The following DCC variants were observed in gnomAD, a reference collection of about 807,000 sequenced individuals.
DCC encodes the protein netrin receptor DCC.
Under a neutral mutation model 172.5 loss-of-function variants are expected in DCC, and 58 were observed. That is an observed-to-expected ratio of 0.34 (90% CI 0.27 to 0.42). The LOEUF (loss-of-function observed/expected upper bound fraction) is 0.42. DCC is among the 10% of genes least tolerant of loss of function. The pLI, the probability that DCC is intolerant of heterozygous loss-of-function variation, is 1.00. For synonymous variants in DCC, 709 were observed against 644.5 expected (o/e 1.10, Z -1.52); for missense variants, 1,740 against 1,791.0 (o/e 0.97, Z 0.51).
At chr18:52,919,901 G>T (rs1217570634) in intron 3 of DCC, among the ~76,000 whole-genome samples, 1 of 151,154 alleles carries the variant, frequency 6.6e-6, no homozygotes, top group African/African-American at 2.4e-5. Flanking sequence ...GAACAGAGGA[G>T]AGCTCCCTAA....
chr18:53,407,876 A>T (rs1190694565), intron 19 of DCC, among the ~76,000 whole-genome samples: 1 of 152,098 alleles, frequency 6.6e-6, no homozygotes, highest in Non-Finnish European at 1.5e-5. Context: ...GGATGGACAC[A>T]CATGAGACAG....
At chr18:52,496,383 T>A (rs1414693171) in intron 1 of DCC, among the ~76,000 whole-genome samples, 1 of 152,152 alleles carries the variant, frequency 6.6e-6, no homozygotes, top group Non-Finnish European at 1.5e-5. Context: ...TGTTTTCCCA[T>A]GTACTTTTAA....
At chr18:52,385,853 T>C (rs1254589671) in intron 1 of DCC, among the ~76,000 whole-genome samples, 1 of 152,098 alleles carries the variant, frequency 6.6e-6, no homozygotes, top group Non-Finnish European at 1.5e-5. Context: ...ATTGTTTTCC[T>C]CTTTTAAAAT....
chr18:53,285,123 G>T (rs757221921), intron 12 of DCC, among the ~76,000 whole-genome samples: 2 of 152,102 alleles, frequency 1.3e-5, no homozygotes, highest in South Asian at 4.1e-4. Flanking sequence ...AAAAAAATCC[G>T]ATTTTCTGAG....
intron 1 of DCC, among the ~76,000 whole-genome samples, chr18:52,533,565 A>G (rs1407821960): frequency 6.6e-6 from 1 of 152,114 alleles, no homozygotes; most frequent in Non-Finnish European, 1.5e-5. Flanking sequence ...GGTTACATGT[A>G]TCAGTAGTTC....
intron 12 of DCC, among the ~76,000 whole-genome samples, chr18:53,297,497 G>T (rs569120979): frequency 7.2e-5 from 11 of 152,104 alleles, no homozygotes; most frequent in African/African-American, 2.4e-4. Flanking sequence ...AGTAATAAAA[G>T]GACCAAAAGT....
At chr18:53,267,147 TATAGAGAG>T (rs1555742523) in intron 12 of DCC, among the ~76,000 whole-genome samples, 1 of 150,210 alleles carries the variant, frequency 6.7e-6, no homozygotes, top group African/African-American at 2.5e-5. Flanking sequence ...TATATATATA[TATAGAGAG>T]AGAGAGAGAG....
chr18:53,117,929 A>T (rs1057205721), intron 7 of DCC, among the ~76,000 whole-genome samples: 2 of 151,672 alleles, frequency 1.3e-5, no homozygotes, highest in African/African-American at 4.8e-5. Context: ...AAATGTAAAC[A>T]TTCTTCTTGT....
chr18:53,401,825 G>T (rs1368319222), intron 18 of DCC, among the ~76,000 whole-genome samples: 2 of 152,166 alleles, frequency 1.3e-5, no homozygotes, highest in East Asian at 3.8e-4. Flanking sequence ...AGAGCAGATT[G>T]GAAGAAGCCT....
At chr18:53,186,902 C>G (rs759449895) in intron 9 of DCC, among the ~76,000 whole-genome samples, 16 of 152,100 alleles carry the variant, frequency 1.1e-4, no homozygotes, top group Non-Finnish European at 1.9e-4. Context: ...ACGGTGTGTC[C>G]TCACATGGTG....
rs202192672 is a variant in DCC at position 53,086,230 on chromosome 18, G to GTTCTTC, written c.1261+20077_1261+20082dup. On this transcript the variant is annotated intron_variant, in intron 7 of 28. Coordinates refer to ENST00000442544, the MANE Select transcript of DCC (RefSeq NM_005215.4). The stretch of plus-strand genomic sequence containing the variant: ...TCTTTCCTTCCCTTCTTCTTCTTCC[G>GTTCTTC]TTCTTCTTCTTCTTCTTCCTTTCTT... 3.2e-3 allele frequency among the ~76,000 whole-genome samples: 97 copies of GTTCTTC among 30,504 alleles called. 34 individuals carry two copies. In the African/African-American group the frequency reaches 0.036, roughly 11 times the overall value. The allele number at this position is 30,504 out of a possible 152,430, so 20.0% of individuals were successfully genotyped here. A position where few individuals can be genotyped will look rare whatever the true frequency, so the allele number is the denominator to read the frequency against.
At chr18:52,685,634 C>T (rs1386473675) in intron 1 of DCC, among the ~76,000 whole-genome samples, 1 of 152,134 alleles carries the variant, frequency 6.6e-6, no homozygotes, top group Admixed American at 6.6e-5. Context: ...GTTTCTCTCT[C>T]TTGCTTCCTC....
intron 8 of DCC, among the ~76,000 whole-genome samples, chr18:53,167,554 G>T (rs2054941021): frequency 6.6e-6 from 1 of 152,148 alleles, no homozygotes; most frequent in Non-Finnish European, 1.5e-5. Flanking sequence ...GTCACATTAT[G>T]TGGAGATTTT....
At chr18:53,092,148 G>A (rs1380818111) in intron 7 of DCC, among the ~76,000 whole-genome samples, 1 of 151,958 alleles carries the variant, frequency 6.6e-6, no homozygotes, top group Non-Finnish European at 1.5e-5. Flanking sequence ...TCAAAATTTG[G>A]AGAGTTTTAA....
intron 7 of DCC, among the ~76,000 whole-genome samples, chr18:53,122,571 T>A (rs1338533453): frequency 1.3e-5 from 2 of 152,054 alleles, no homozygotes; most frequent in East Asian, 1.9e-4. Context: ...AGAAAAACTT[T>A]ATCTTGGAAA....
At chr18:52,774,097 G>T (rs919251158) in intron 2 of DCC, among the ~76,000 whole-genome samples, 1 of 152,232 alleles carries the variant, frequency 6.6e-6, no homozygotes, top group Non-Finnish European at 1.5e-5. Flanking sequence ...AAACTGTGGC[G>T]TGGAGCCATG....
At chr18:52,445,074 A>T (rs572393087) in intron 1 of DCC, among the ~76,000 whole-genome samples, 27 of 152,292 alleles carry the variant, frequency 1.8e-4, no homozygotes, top group Non-Finnish European at 3.7e-4. Context: ...AAACAAACAC[A>T]GGAGCTATTG....
chr18:53,003,717 A>G (rs972310519), intron 5 of DCC, among the ~76,000 whole-genome samples: 2 of 151,936 alleles, frequency 1.3e-5, no homozygotes, highest in East Asian at 1.9e-4. Flanking sequence ...CCCTTTTTTC[A>G]TGCATGGCTT....
chr18:53,156,749 TA>T (rs1390086095), intron 7 of DCC, among the ~76,000 whole-genome samples: 1 of 152,182 alleles, frequency 6.6e-6, no homozygotes, highest in Non-Finnish European at 1.5e-5. Flanking sequence ...GATTTATATT[TA>T]GTATATCTTG....
Sources: allele counts gnomAD v4.1 joint callset (sites outside exome capture counted in the v4.1 genomes callset), GRCh38; gene constraint gnomAD v4.1.1; transcripts MANE v1.5; gene names NCBI Gene and HGNC (gene_info 2026-07-23, HGNC 2026-07-21).